The following CCDC33 variants were observed in gnomAD, a reference collection of about 807,000 sequenced individuals.
CCDC33 encodes coiled-coil domain-containing protein 33.
A neutral mutation model predicts 91.9 loss-of-function variants in CCDC33; 94 were observed. The ratio of observed to expected loss-of-function variants is 1.02; its 90% CI spans 0.87 to 1.21. CCDC33 has a LOEUF of 1.21. Ranked by LOEUF, CCDC33 falls within the 50% of genes most tolerant of loss-of-function variation. The pLI is 0.00. For missense variants in CCDC33, 940 were observed against 935.5 expected (o/e 1.00, Z -0.06); for synonymous variants, 396 against 374.5 (o/e 1.06, Z -0.66).
intron 1 of CCDC33, among the ~76,000 whole-genome samples, chr15:74,237,371 C>A (rs1288289312): frequency 6.6e-6 from 1 of 152,130 alleles, no homozygotes; most frequent in Non-Finnish European, 1.5e-5. Flanking sequence ...TGTAAGGGAC[C>A]CCTTACCTTC....
intron 10 of CCDC33, among the ~76,000 whole-genome samples, chr15:74,283,669 C>A (rs1240700589): frequency 6.6e-6 from 1 of 152,112 alleles, no homozygotes; most frequent in African/African-American, 2.4e-5. Flanking sequence ...CCCCCTCCCC[C>A]TGGAGGCGGG....
chr15:74,253,023 C>T (rs142534617), intron 2 of CCDC33, among the ~76,000 whole-genome samples: 1 of 152,302 alleles, frequency 6.6e-6, no homozygotes, highest in African/African-American at 2.4e-5. Flanking sequence ...CCTGGGGCCC[C>T]TAAGGTGTTC....
chr15:74,272,984 C>T, intron 7 of CCDC33, 93 bp downstream of exon 7: 3 of 1,507,972 alleles, frequency 2.0e-6, no homozygotes, highest in South Asian at 2.4e-5. Flanking sequence ...GTTCCCTTGA[C>T]TATCGAGTAA....
At position 74,271,681 on chromosome 15, in the gene CCDC33, CCTCCT is replaced by C. The variant is rs752091132; in HGVS notation, c.547-7_547-3del. 2.9e-5 allele frequency: 46 copies of C among 1,591,068 alleles called. No individual in the cohort carries two copies. Among genetic ancestry groups the C allele is most frequent in the Non-Finnish European group, 3.6e-5 (42 of 1,159,604 alleles). On this transcript the variant is annotated splice_polypyrimidine_tract_variant and intron_variant, in intron 5 of 18. Transcript: ENST00000398814. ...CCCAAGGCCACATGGTGTTCACCTGCCTCCTCTCCTCTCCTCTCCAGATCTTTCTC... is the reference window on the plus strand; with the variant it reads ...CCCAAGGCCACATGGTGTTCACCTGCCTCCTCTCCTCTCCAGATCTTTCTC...
At chr15:74,286,406 C>G (rs962260313) in intron 10 of CCDC33, among the ~76,000 whole-genome samples, 8 of 152,048 alleles carry the variant, frequency 5.3e-5, no homozygotes, top group African/African-American at 1.7e-4. Context: ...CTTCCCCAGG[C>G]AAAGCAGCTT....
intron 2 of CCDC33, among the ~76,000 whole-genome samples, chr15:74,224,876 C>T (rs2074737455): frequency 6.6e-6 from 1 of 152,116 alleles, no homozygotes; most frequent in Non-Finnish European, 1.5e-5. Flanking sequence ...AGGATTGCTC[C>T]TTCTTGCCCA....
At chr15:74,304,425 T>A (rs904422441) in intron 11 of CCDC33, 4 of 152,048 alleles carry the variant, frequency 2.6e-5, no homozygotes, top group African/African-American at 9.6e-5. Flanking sequence ...CCTTCCCCCA[T>A]CCCTCCGAGT....
chr15:74,330,958 T>G (rs777620799), intron 13 of CCDC33, 23 bp from the exon 14 acceptor site: 13 of 1,566,306 alleles, frequency 8.3e-6, no homozygotes, highest in Non-Finnish European at 6.9e-6. Flanking sequence ...TTCTCTCCCC[T>G]TCTCTCCTCC....
chr15:74,243,393 CG>C (rs1194919064), intron 1 of CCDC33, among the ~76,000 whole-genome samples: 1 of 152,188 alleles, frequency 6.6e-6, no homozygotes, highest in African/African-American at 2.4e-5. Flanking sequence ...GAATTACAGA[CG>C]AGGACACCTG....
At chr15:74,333,124 C>T in intron 16 of CCDC33, 1 of 1,004,412 alleles carries the variant, frequency 1.0e-6, no homozygotes, top group Non-Finnish European at 1.5e-6. Context: ...TTTCACCTGG[C>T]TGGCCTCCAC....
chr15:74,208,114 TAGC>T (rs759960075), intron 1 of CCDC33: 4 of 1,101,898 alleles, frequency 3.6e-6, no homozygotes, highest in Non-Finnish European at 3.4e-6. Context: ...AGGAGGAGGG[TAGC>T]CGGCTGTGCC....
In CCDC33 at chr15:74,236,547, T is replaced by A; in HGVS notation, c.-173T>A. On this transcript the variant is annotated 5_prime_UTR_variant, in exon 1 of 19. Transcript: ENST00000398814. ...TCCCCCCACATCCAGGCCCCAGGGC[T>A]GGTGTGTGGCACCCCTGAGACCACA... The A allele has an allele frequency of 3.1e-5, 9 of 287,152 alleles. No homozygotes were observed. Among genetic ancestry groups the A allele is most frequent in the East Asian group, 1.5e-4 (2 of 12,990 alleles). 17.8% of individuals were successfully genotyped at this position (287,152 alleles called of 1,614,324 possible).
Position 74,331,021 on chromosome 15 carries a change from C to G in CCDC33, c.1586C>G (p.Ala529Gly). Residue 529 changes from alanine (A) to glycine (G), a missense_variant, in exon 14 of 19, where the codon GCC (alanine) becomes GGC (glycine). Coordinates refer to ENST00000398814, the MANE Select transcript of CCDC33 (RefSeq NM_025055.5). ...AAGGAGCTGCTCCTTCTGTATCAGGCCCAGCAGCCACAGGCCGCTCTGCTG... is the reference window on the plus strand; with the variant it reads ...AAGGAGCTGCTCCTTCTGTATCAGGGCCAGCAGCCACAGGCCGCTCTGCTG... ...REKELLLLYQ[A>G]QQPQAALLKQ... 2 of 1,610,114 alleles carry G rather than the reference C, an allele frequency of 1.2e-6. No homozygotes were observed. The highest frequency in any genetic ancestry group is 1.7e-6 in the Non-Finnish European group (2 of 1,178,124).
intron 2 of CCDC33, among the ~76,000 whole-genome samples, chr15:74,211,700 A>G (rs403697): frequency 0.97 from 148,080 of 152,100 alleles, 72,192 homozygotes; most frequent in East Asian, 1. Flanking sequence ...CACGGTGCTC[A>G]GCCCCTTTCT....
chr15:74,280,157 G>A (rs2076554925), intron 8 of CCDC33, 65 bp downstream of exon 8: 2 of 1,583,516 alleles, frequency 1.3e-6, no homozygotes, highest in Non-Finnish European at 1.7e-6. Flanking sequence ...ATGAAAGGGT[G>A]TTCAGACCAT....
intron 10 of CCDC33, among the ~76,000 whole-genome samples, chr15:74,288,734 C>A (rs1480294298): frequency 6.6e-6 from 1 of 152,276 alleles, no homozygotes; most frequent in African/African-American, 2.4e-5. Context: ...ACTCACAGCC[C>A]CATCTGTACC....
chr15:74,225,719 A>G (rs1343530892), intron 2 of CCDC33, among the ~76,000 whole-genome samples: 1 of 152,148 alleles, frequency 6.6e-6, no homozygotes, highest in Non-Finnish European at 1.5e-5. Context: ...GGCATATGTG[A>G]TATATGAGGT....
chr15:74,264,195 C>T (rs375161318), intron 3 of CCDC33, among the ~76,000 whole-genome samples: 1 of 24,626 alleles, frequency 4.1e-5, no homozygotes, highest in Non-Finnish European at 7.6e-5. Context: ...GTGATGTCTG[C>T]GGTGGGGGTG....
chr15:74,257,343 G>T (rs1051673605), intron 2 of CCDC33, among the ~76,000 whole-genome samples: 2 of 152,226 alleles, frequency 1.3e-5, no homozygotes, highest in Non-Finnish European at 2.9e-5. Context: ...CAGACTGGGG[G>T]CCTTGTCAAG....
Sources: allele counts gnomAD v4.1 joint callset (sites outside exome capture counted in the v4.1 genomes callset), GRCh38; gene constraint gnomAD v4.1.1; transcripts MANE v1.5; gene names NCBI Gene and HGNC (gene_info 2026-07-23, HGNC 2026-07-21).